Variants in CYP1A2 observed in about 807,000 individuals in gnomAD.
CYP1A2 encodes the protein cytochrome P450 1A2.
A neutral mutation model predicts 34.7 loss-of-function variants in CYP1A2; 35 were observed. The ratio of observed to expected loss-of-function variants is 1.01; its 90% confidence interval spans 0.77 to 1.34. The LOEUF (loss-of-function observed/expected upper bound fraction) is 1.34. Ranked by LOEUF, CYP1A2 falls within the 40% of genes most tolerant of loss-of-function variation. The pLI, the probability that CYP1A2 is intolerant of heterozygous loss-of-function variation, is 0.00. For synonymous variants in CYP1A2, 288 were observed against 281.9 expected (o/e 1.02, Z -0.22); for missense variants, 675 against 675.8 (o/e 1.00, Z 0.01).
At position 74,754,921 on chromosome 15, in the gene CYP1A2, G is replaced by C. The variant is rs199528490; in HGVS notation, c.1384G>C (p.Val462Leu). The change falls in exon 7 of 7, where the codon GTC becomes CTC. Residue 462 changes from valine to leucine, a missense_variant. By Grantham distance (32) the Val-to-Leu change is conservative. Transcript: ENST00000343932. ...GGGCAAGCGCCGGTGTATCGGGGAA[G>C]TCCTGGCCAAGTGGGAGATCTTCCT... is the stretch of plus-strand genomic sequence containing the variant. ...GMGKRRCIGEVLAKWEIFLFL... is the reference protein window; with the variant it reads ...GMGKRRCIGELLAKWEIFLFL... The C allele has an allele frequency of 1.7e-5, 28 of 1,614,272 alleles. No homozygotes were observed. In the East Asian group the frequency reaches 6.0e-4, roughly 35 times the overall value.
Position 74,751,225 on chromosome 15 carries a change from C to G in CYP1A2, c.868C>G (p.His290Asp). The G allele has an allele frequency of 6.2e-7, 1 of 1,614,132 alleles. No homozygotes were observed. The highest frequency in any genetic ancestry group is 8.5e-7 in the Non-Finnish European group (1 of 1,180,012). Residue 290 changes from histidine (H) to aspartate (D), a missense_variant, in exon 3 of 7, where the codon CAC (histidine) becomes GAC (aspartate). Coordinates refer to ENST00000343932, the MANE Select transcript of CYP1A2 (RefSeq NM_000761.5). ...VRDITGALFK[H>D]SKKGPRASGN... ...GGACATCACGGGTGCCCTGTTCAAGCACAGCAAGAAGGGGCCTAGAGCCAG... is the reference window on the plus strand; with the variant it reads ...GGACATCACGGGTGCCCTGTTCAAGGACAGCAAGAAGGGGCCTAGAGCCAG...
chr15:74,750,581 G>A lies in CYP1A2; in HGVS notation c.831+12G>A. ...AGGACTTTGACAAGGTGAGCCCGGG[G>A]TGCAGGTGGCAAGGGGCACCTTGCA... On this transcript the variant is annotated intron_variant, in intron 2 of 6. Transcript: ENST00000343932. 2 of 1,608,854 alleles carry A rather than the reference G, an allele frequency of 1.2e-6. No individual in the cohort carries two copies. The highest frequency in any genetic ancestry group is 1.7e-6 in the Non-Finnish European group (2 of 1,175,928).
chr15:74,752,092 C>T (rs1370352504), intron 4 of CYP1A2, 32 bp from the exon 5 acceptor site: 4 of 1,612,718 alleles, frequency 2.5e-6, no homozygotes, highest in Non-Finnish European at 3.4e-6. Context: ...TAGGGCAGCC[C>T]CTGAGCTCTG....
At position 74,755,115 on chromosome 15, in the gene CYP1A2, G is replaced by C; in HGVS notation, c.*27G>C. On this transcript the variant is annotated 3_prime_UTR_variant, in exon 7 of 7. Coordinates refer to ENST00000343932, the MANE Select transcript of CYP1A2 (RefSeq NM_000761.5). Reference sequence around the variant, plus strand: ...GAAGACACCACCATTCTGAGGCCAGGGAGCGAGTGGGGGCCAGCCACGGGG... The same window carrying C: ...GAAGACACCACCATTCTGAGGCCAGCGAGCGAGTGGGGGCCAGCCACGGGG... 1 of 1,586,598 alleles carries C rather than the reference G, an allele frequency of 6.3e-7. No homozygotes were observed. The highest frequency in any genetic ancestry group is 8.6e-7 in the Non-Finnish European group (1 of 1,165,414).
rs995853768 is a variant in CYP1A2 at position 74,751,321 on chromosome 15, A to C, written c.952+12A>C. ...CATCTTTGGAGCAGGTAGGAACCAG[A>C]ACCTTGCCCCTCCATCCAACAATGC... On this transcript the variant is annotated intron_variant, in intron 3 of 6. Transcript: ENST00000343932. 1 of 1,613,784 alleles carries C rather than the reference A, an allele frequency of 6.2e-7. No individual in the cohort carries two copies. The highest frequency in any genetic ancestry group is 8.5e-7 in the Non-Finnish European group (1 of 1,179,836).
intron 2 of CYP1A2, 55 bp from the exon 3 acceptor site, chr15:74,751,134 T>G (rs2063313416): frequency 1.2e-6 from 2 of 1,604,722 alleles, no homozygotes; most frequent in Non-Finnish European, 1.7e-6. Context: ...TGGAGCAACG[T>G]TCAGCCTTTG....
At position 74,752,175 on chromosome 15, in the gene CYP1A2, T is replaced by G. The variant is rs770400672; in HGVS notation, c.1094T>G (p.Leu365Arg). ...CCCCGGCTCTCTGACAGACCCCAGC[T>G]GCCCTACTTGGAGGCCTTCATCCTG... ...RRPRLSDRPQ[L>R]PYLEAFILET... Residue 365 changes from leucine to arginine, a missense_variant, in exon 5 of 7, where the codon CTG (leucine) becomes CGG (arginine). Physicochemically the swap from Leu to Arg is moderately radical, Grantham distance 102. Coordinates refer to ENST00000343932, the MANE Select transcript of CYP1A2 (RefSeq NM_000761.5). The G allele has an allele frequency of 1.1e-5, 17 of 1,614,104 alleles. No homozygotes were observed. The highest frequency in any genetic ancestry group is 1.4e-5 in the Non-Finnish European group (17 of 1,180,000).
At chr15:74,751,167 C>T (rs1388126871) in intron 2 of CYP1A2, 22 bp from the exon 3 acceptor site, 1 of 1,613,246 alleles carries the variant, frequency 6.2e-7, no homozygotes, top group Non-Finnish European at 8.5e-7. Context: ...CCAGAGGTGC[C>T]CCTAAGCTTG....
rs1465104157 is a variant in CYP1A2, at chr15:74,750,319, T to C, written c.581T>C (p.Val194Ala). The change falls in exon 2 of 7, where the codon GTG (valine) becomes GCG (alanine). Residue 194 changes from valine to alanine, a missense_variant. Coordinates refer to ENST00000343932, the MANE Select transcript of CYP1A2 (RefSeq NM_000761.5). The stretch of plus-strand genomic sequence containing the variant: ...TTCGACCCTTACAATCAGGTGGTGG[T>C]GTCAGTGGCCAACGTCATTGGTGCC... ...GHFDPYNQVV[V>A]SVANVIGAMC... 1.9e-6 allele frequency: 3 copies of C among 1,613,762 alleles called. No individual in the cohort carries two copies. The highest frequency in any genetic ancestry group is 2.5e-6 in the Non-Finnish European group (3 of 1,179,990).
Position 74,756,553 on chromosome 15 carries a change from A to G in CYP1A2, c.*1465A>G, listed in dbSNP as rs189293015. ...AACTGCTAATCTACTTTCTGTGTCTATGGATTTGCCTTCTCTAAACATTTC... is the reference window on the plus strand; with the variant it reads ...AACTGCTAATCTACTTTCTGTGTCTGTGGATTTGCCTTCTCTAAACATTTC... On this transcript the variant is annotated 3_prime_UTR_variant, in exon 7 of 7. Transcript: ENST00000343932. Among the ~76,000 whole-genome samples the G allele has an allele frequency of 9.9e-5, 15 of 152,170 alleles. No homozygotes were observed. In the East Asian group the frequency reaches 2.5e-3, roughly 25 times the overall value.
Position 74,751,810 on chromosome 15 carries a change from T to C in CYP1A2, c.998T>C (p.Leu333Pro), listed in dbSNP as rs369659890. 4 of 1,614,046 alleles carry C rather than the reference T, an allele frequency of 2.5e-6. No homozygotes were observed. In the African/African-American group the frequency reaches 5.3e-5, roughly 22 times the overall value. The change falls in exon 4 of 7, where the codon CTT becomes CCT. Residue 333 changes from leucine to proline, a missense_variant. Leu to Pro is a moderately conservative substitution (Grantham distance 98, BLOSUM62 -3). Coordinates refer to ENST00000343932, the MANE Select transcript of CYP1A2 (RefSeq NM_000761.5). Reference protein sequence around the residue: ...TTAISWSLMYLVTKPEIQRKI... With the variant: ...TTAISWSLMYPVTKPEIQRKI... ...GCCATCTCCTGGAGCCTCATGTACC[T>C]TGTGACCAAGCCTGAGATACAGAGG...
Position 74,749,834 on chromosome 15 carries a change from G to A in CYP1A2, c.96G>A (p.Arg32=). Residue 32 remains arginine, a synonymous_variant, in exon 2 of 7, where the codon AGG becomes AGA. Transcript: ENST00000343932. The stretch of plus-strand genomic sequence containing the variant: ...TATTCTGGGTGCTCAAGGGTTTGAG[G>A]CCTCGGGTCCCCAAAGGCCTGAAAA... The part of the protein sequence containing the change: ...CLVFWVLKGL[R]PRVPKGLKSP... 3 of 1,605,262 alleles carry A rather than the reference G, an allele frequency of 1.9e-6. No homozygotes were observed. Among genetic ancestry groups the A allele is most frequent in the South Asian group, 1.1e-5 (1 of 90,336 alleles).
rs1050518072 is a variant in CYP1A2 at position 74,753,285 on chromosome 15, C to G, written c.1253+15C>G. On this transcript the variant is annotated intron_variant, in intron 6 of 6. Transcript: ENST00000343932. The stretch of plus-strand genomic sequence containing the variant: ...AACCATGACCCGTGAGTACATACCC[C>G]TCACGAAAAAATGTGTGCAGGTTCA... 3.1e-6 allele frequency: 5 copies of G among 1,607,486 alleles called. No individual in the cohort carries two copies. The highest frequency in any genetic ancestry group is 1.7e-5 in the Admixed American group (1 of 59,706).
At chr15:74,754,715 A>T in intron 6 of CYP1A2, 76 bp from the exon 7 acceptor site, 1 of 1,462,712 alleles carries the variant, frequency 6.8e-7, no homozygotes, top group South Asian at 1.3e-5. Flanking sequence ...TTCTCAACAG[A>T]AGTCTCCCTC....
Position 74,755,053 on chromosome 15 carries a change from C to A in CYP1A2, c.1516C>A (p.His506Asn). ...GLTMKHARCE[H>N]VQARLRFSIN ...GACCATGAAGCACGCCCGCTGTGAA[C>A]ATGTCCAGGCGCGGCTGCGCTTCTC... Residue 506 changes from histidine to asparagine, a missense_variant, in exon 7 of 7, where the codon CAT becomes AAT. Transcript: ENST00000343932. 1 of 1,613,284 alleles carries A rather than the reference C, an allele frequency of 6.2e-7. No individual in the cohort carries two copies.
Position 74,755,649 on chromosome 15 carries a change from T to C in CYP1A2, c.*561T>C, listed in dbSNP as rs2063335301. On this transcript the variant is annotated 3_prime_UTR_variant, in exon 7 of 7. Transcript: ENST00000343932. ...TTTTAGTGGAGATGGGGTTTCACCA[T>C]GTTGGCCAGGCTTGTCTCGAACTCC... 6.6e-6 allele frequency: 1 copy of C among 152,190 alleles called. No individual in the cohort carries two copies. The highest frequency in any genetic ancestry group is 1.5e-5 in the Non-Finnish European group (1 of 68,178). 9.4% of individuals were successfully genotyped at this position (152,190 alleles called of 1,614,324 possible). A position where few individuals can be genotyped will look rare whatever the true frequency, so the allele number is the denominator to read the frequency against.
chr15:74,751,996 G>T, intron 4 of CYP1A2, 128 bp from the exon 5 acceptor site: 3 of 1,531,184 alleles, frequency 2.0e-6, no homozygotes, highest in Non-Finnish European at 1.8e-6. Flanking sequence ...GAAGATGTGG[G>T]AGGTTAGTGG....
chr15:74,754,443 A>T (rs61229408), intron 6 of CYP1A2, among the ~76,000 whole-genome samples: 1 of 150,134 alleles, frequency 6.7e-6, no homozygotes, highest in African/African-American at 2.5e-5. Flanking sequence ...AAAAAAAAAA[A>T]AAAAATACAA....
chr15:74,756,246 T>C lies in CYP1A2; in HGVS notation c.*1158T>C, dbSNP rs1217923846. 6.6e-6 allele frequency: 1 copy of C among 151,978 alleles called. No homozygotes were observed. The highest frequency in any genetic ancestry group is 2.4e-5 in the African/African-American group (1 of 41,348). The allele number at this position is 151,978 out of a possible 1,614,324, so 9.4% of individuals were successfully genotyped here. A position where few individuals can be genotyped will look rare whatever the true frequency, so the allele number is the denominator to read the frequency against. ...GCTTCTCCAGCCTCAGCCTCCCAAGTAGCTGAGACTACAGGCACACACCAC... is the reference window on the plus strand; with the variant it reads ...GCTTCTCCAGCCTCAGCCTCCCAAGCAGCTGAGACTACAGGCACACACCAC... On this transcript the variant is annotated 3_prime_UTR_variant, in exon 7 of 7. Coordinates refer to ENST00000343932, the MANE Select transcript of CYP1A2 (RefSeq NM_000761.5).
Sources: allele counts gnomAD v4.1 joint callset (sites outside exome capture counted in the v4.1 genomes callset), GRCh38; gene constraint gnomAD v4.1.1; transcripts MANE v1.5; gene names NCBI Gene and HGNC (gene_info 2026-07-23, HGNC 2026-07-21).